The following DLG2 variants were observed in gnomAD, a reference collection of about 807,000 sequenced individuals.
DLG2 encodes disks large homolog 2.
Under a neutral mutation model 132.5 loss-of-function variants are expected in DLG2, and 45 were observed. That is an observed-to-expected ratio of 0.34 (90% CI 0.27 to 0.44). DLG2 has a LOEUF of 0.44. Among genes scored for constraint, DLG2 ranks in the 20% least tolerant of loss-of-function variants. The pLI is 1.00. For synonymous variants in DLG2, 424 were observed against 419.6 expected, an observed-to-expected ratio of 1.01 and a Z score of -0.13; for missense variants, 1,045 against 1,196.9, an observed-to-expected ratio of 0.87 and a Z score of 1.87.
chr11:84,313,641 AAAAGAAAG>A (rs201928030), intron 7 of DLG2, among the ~76,000 whole-genome samples: 10,243 of 129,208 alleles, frequency 0.079, 420 homozygotes, highest in Middle Eastern at 0.14. Context: ...GAAAGAGAGA[AAAAGAAAG>A]AAAGAAAGAA....
chr11:83,911,984 G>C (rs1342067709), intron 15 of DLG2, among the ~76,000 whole-genome samples: 1 of 150,600 alleles, frequency 6.6e-6, no homozygotes, highest in Admixed American at 6.6e-5. Context: ...TAGAGCAATG[G>C]AAAAAAAAGA....
chr11:85,582,303 G>A (rs185430923), intron 3 of DLG2, among the ~76,000 whole-genome samples: 110 of 152,168 alleles, frequency 7.2e-4, no homozygotes, highest in African/African-American at 2.6e-3. Context: ...GTCAATAAGA[G>A]GAAGTGGTAA....
chr11:84,498,134 G>A (rs867601351), intron 7 of DLG2, among the ~76,000 whole-genome samples: 1 of 152,168 alleles, frequency 6.6e-6, no homozygotes, highest in African/African-American at 2.4e-5. Context: ...GCACAAAAAC[G>A]AAAAGAGATA....
rs563571111 is a variant in DLG2, at chr11:84,209,424, T to C, written c.573+41814A>G. Among the ~76,000 whole-genome samples the C allele has an allele frequency of 6.2e-4, 95 of 152,294 alleles. 2 individuals carry two copies. In the South Asian group the frequency reaches 0.017, roughly 28 times the overall value. ...TTCCAGAAGAGAAAGTATACGTTAA[T>C]AGGAACACTGGTGGAATCCAAATAA... On this transcript the variant is annotated intron_variant, in intron 8 of 27. Transcript: ENST00000376104.
chr11:84,001,102 C>T (rs974564300), intron 11 of DLG2, among the ~76,000 whole-genome samples: 2 of 151,822 alleles, frequency 1.3e-5, no homozygotes, highest in African/African-American at 4.8e-5. Context: ...TTAATATTAA[C>T]CTTGAATGTA....
intron 3 of DLG2, chr11:85,452,599 T>C: frequency 9.9e-6 from 2 of 202,586 alleles, no homozygotes; most frequent in Non-Finnish European, 2.1e-5. Flanking sequence ...ACTTCCATTG[T>C]CATATCAGGC....
At chr11:83,557,358 G>A (rs2096538627) in intron 19 of DLG2, among the ~76,000 whole-genome samples, 1 of 152,202 alleles carries the variant, frequency 6.6e-6, no homozygotes, top group Admixed American at 6.5e-5. Flanking sequence ...CAAGACCCCA[G>A]GCTGCTTTTG....
chr11:83,908,839 T>G (rs2075526674), intron 15 of DLG2, among the ~76,000 whole-genome samples: 1 of 152,136 alleles, frequency 6.6e-6, no homozygotes, highest in Non-Finnish European at 1.5e-5. Context: ...GCTCAAGTGA[T>G]TCTCCCACCT....
chr11:84,112,101 C>T (rs1204031040), intron 9 of DLG2, among the ~76,000 whole-genome samples: 2 of 152,038 alleles, frequency 1.3e-5, no homozygotes, highest in African/African-American at 4.8e-5. Flanking sequence ...CAAGCTCCGC[C>T]TCCCGGGTTC....
intron 6 of DLG2, among the ~76,000 whole-genome samples, chr11:84,638,498 A>C (rs2099644546): frequency 6.6e-6 from 1 of 152,190 alleles, no homozygotes; most frequent in Non-Finnish European, 1.5e-5. Flanking sequence ...TAAGATGAAT[A>C]ATCATTTAAG....
intron 7 of DLG2, among the ~76,000 whole-genome samples, chr11:84,369,224 G>A (rs1353068164): frequency 6.6e-6 from 1 of 151,832 alleles, no homozygotes; most frequent in Non-Finnish European, 1.5e-5. Flanking sequence ...AAAAAATAGA[G>A]AGCTCCAGAC....
At position 85,008,790 on chromosome 11, in the gene DLG2, C is replaced by CA. The variant is rs200244055; in HGVS notation, c.357+102870dup. Among the ~76,000 whole-genome samples the CA allele has an allele frequency of 5.3e-3, 803 of 151,566 alleles. 5 individuals carry two copies. The highest frequency in any genetic ancestry group is 5.7e-3 in the Admixed American group (87 of 15,224). ...TATATTCCAGTGGAATGGAGACTAA[C>CA]AAAAAAAACCCAGCAGATAAACAAA... On this transcript the variant is annotated intron_variant, in intron 6 of 27. Transcript: ENST00000376104.
chr11:84,847,947 A>C lies in DLG2; in HGVS notation c.357+263714T>G, dbSNP rs190532470. 9.3e-4 allele frequency among the ~76,000 whole-genome samples: 141 copies of C among 152,278 alleles called. 1 individual carries two copies. The highest frequency in any genetic ancestry group is 3.2e-3 in the African/African-American group (133 of 41,558). On this transcript the variant is annotated intron_variant, in intron 6 of 27. Coordinates refer to ENST00000376104, the MANE Select transcript of DLG2 (RefSeq NM_001142699.3). ...CTGGGAGGGACAGAGGCCATCAAAG[A>C]AAAGGGACATTTGGGTCTCCAACTC...
At chr11:84,583,232 T>C (rs1455919705) in intron 6 of DLG2, among the ~76,000 whole-genome samples, 3 of 152,206 alleles carry the variant, frequency 2.0e-5, no homozygotes, top group African/African-American at 4.8e-5. Flanking sequence ...CTAATTCACA[T>C]GGCAGCATAT....
chr11:84,903,141 C>T (rs954095133), intron 6 of DLG2, among the ~76,000 whole-genome samples: 2 of 152,084 alleles, frequency 1.3e-5, no homozygotes, highest in Non-Finnish European at 2.9e-5. Flanking sequence ...TATTTCAAGA[C>T]ATAAGAAAAA....
intron 7 of DLG2, among the ~76,000 whole-genome samples, chr11:84,285,945 T>G (rs1346896582): frequency 1.3e-5 from 2 of 152,300 alleles, no homozygotes; most frequent in African/African-American, 4.8e-5. Context: ...CTATGGAATA[T>G]GCACAGCCAG....
intron 3 of DLG2, among the ~76,000 whole-genome samples, chr11:85,392,288 TG>T (rs2086866878): frequency 6.6e-6 from 1 of 151,940 alleles, no homozygotes; most frequent in East Asian, 1.9e-4. Flanking sequence ...AAATCATATA[TG>T]ACACAAACAA....
chr11:84,286,100 T>C (rs1021883762), intron 7 of DLG2, among the ~76,000 whole-genome samples: 5 of 152,180 alleles, frequency 3.3e-5, no homozygotes, highest in Non-Finnish European at 7.4e-5. Flanking sequence ...TACCAGCATG[T>C]ATCCTTTTAC....
At chr11:83,754,041 G>C (rs1781376658) in intron 18 of DLG2, among the ~76,000 whole-genome samples, 1 of 149,242 alleles carries the variant, frequency 6.7e-6, no homozygotes, top group South Asian at 2.1e-4. Flanking sequence ...CAATTCCCCA[G>C]TGCACATAAA....
Sources: gnomAD v4.1 joint callset for allele counts (sites outside exome capture counted in the v4.1 genomes callset) on GRCh38, gnomAD v4.1.1 for gene constraint, MANE v1.5 for transcripts, NCBI Gene and HGNC (gene_info 2026-07-23, HGNC 2026-07-21) for gene names.